TRABD2B: variants seen among roughly 807,000 people sequenced by gnomAD.
TRABD2B encodes metalloprotease TIKI2.
In TRABD2B, 14 loss-of-function variants were observed where a neutral mutation model predicts 40.1. That is an observed-to-expected ratio of 0.35 (90% CI 0.23 to 0.55). TRABD2B has a LOEUF of 0.55. Ranked by LOEUF, TRABD2B falls within the 20% of genes least tolerant of loss-of-function variation. The probability of loss-of-function intolerance (pLI) is 0.90; values close to 1 mark genes in which losing one functional copy is unlikely to be tolerated. For synonymous variants in TRABD2B, 263 were observed against 277.0 expected (o/e 0.95, Z 0.50); for missense variants, 541 against 648.6 (o/e 0.83, Z 1.80).
chr1:47,825,341 C>G (rs1645160759), intron 2 of TRABD2B, among the ~76,000 whole-genome samples: 1 of 152,212 alleles, frequency 6.6e-6, no homozygotes, highest in African/African-American at 2.4e-5. Context: ...GCTCCCACTG[C>G]CTCCTTATCC....
intron 2 of TRABD2B, among the ~76,000 whole-genome samples, chr1:47,808,296 G>T (rs989853245): frequency 1.3e-4 from 20 of 152,166 alleles, no homozygotes; most frequent in Admixed American, 8.5e-4. Flanking sequence ...CACTACGTGT[G>T]TGTGTGTGTG....
intron 2 of TRABD2B, among the ~76,000 whole-genome samples, chr1:47,864,708 C>T (rs1644029692): frequency 1.3e-5 from 2 of 152,104 alleles, no homozygotes; most frequent in Non-Finnish European, 2.9e-5. Flanking sequence ...ATCCACATGG[C>T]TGCCTGATGA....
intron 2 of TRABD2B, among the ~76,000 whole-genome samples, chr1:47,807,906 T>C (rs1283627934): frequency 1.3e-5 from 2 of 152,166 alleles, no homozygotes; most frequent in South Asian, 2.1e-4. Flanking sequence ...ATTTGGAGAT[T>C]CAGTATGGTT....
At chr1:47,852,201 G>C (rs1319677142) in intron 2 of TRABD2B, among the ~76,000 whole-genome samples, 1 of 152,126 alleles carries the variant, frequency 6.6e-6, no homozygotes, top group East Asian at 1.9e-4. Flanking sequence ...ATGAGAGCTG[G>C]GCCCAGACTG....
intron 6 of TRABD2B, among the ~76,000 whole-genome samples, chr1:47,771,945 C>G (rs973422546): frequency 6.6e-6 from 1 of 152,186 alleles, no homozygotes; most frequent in Non-Finnish European, 1.5e-5. Context: ...TTCTCACACT[C>G]GCTCCCAGCC....
intron 2 of TRABD2B, among the ~76,000 whole-genome samples, chr1:47,885,549 G>A (rs1237893138): frequency 1.3e-5 from 2 of 152,164 alleles, no homozygotes; most frequent in Non-Finnish European, 2.9e-5. Context: ...CTCTGTTGGT[G>A]GCAGGGGACC....
chr1:47,846,896 A>ACACAC (rs1557610238), intron 2 of TRABD2B, among the ~76,000 whole-genome samples: 3 of 148,358 alleles, frequency 2.0e-5, no homozygotes, highest in African/African-American at 5.0e-5. Flanking sequence ...ACACACACAC[A>ACACAC]AATGAGGGCT....
chr1:47,810,968 C>A (rs970275009), intron 2 of TRABD2B, among the ~76,000 whole-genome samples: 1 of 152,182 alleles, frequency 6.6e-6, no homozygotes, highest in Non-Finnish European at 1.5e-5. Flanking sequence ...GGTGATGCTG[C>A]GTCAGCTCAT....
At chr1:47,961,931 C>G (rs1645522897) in intron 2 of TRABD2B, among the ~76,000 whole-genome samples, 1 of 152,156 alleles carries the variant, frequency 6.6e-6, no homozygotes, top group African/African-American at 2.4e-5. Context: ...TACTGCAGCA[C>G]TATTCACAAT....
At chr1:47,912,411 A>G (rs1274479791) in intron 2 of TRABD2B, among the ~76,000 whole-genome samples, 1 of 152,150 alleles carries the variant, frequency 6.6e-6, no homozygotes, top group Non-Finnish European at 1.5e-5. Context: ...TTTCCTTTCC[A>G]GTATTCAAAG....
At chr1:47,790,389 G>A (rs1163256254) in intron 4 of TRABD2B, among the ~76,000 whole-genome samples, 1 of 152,138 alleles carries the variant, frequency 6.6e-6, no homozygotes, top group Non-Finnish European at 1.5e-5. Context: ...CCACCTCCTG[G>A]ATAGGGAGGG....
Position 47,996,662 on chromosome 1 carries a change from G to A in TRABD2B, c.102+26C>T. On this transcript the variant is annotated intron_variant, in intron 1 of 6. Coordinates refer to ENST00000606738, the MANE Select transcript of TRABD2B (RefSeq NM_001194986.2). This position sits in a 1 kb window ranked among gnomAD's most constrained non-coding sequence, Gnocchi z 4.6. ...GACTAGAATACCCAGGCAGGCGGGA[G>A]AGTGGCCGGGCAGGCGCTCGCTCAC... 8.1e-7 allele frequency: 1 copy of A among 1,228,816 alleles called. No individual in the cohort carries two copies. Among genetic ancestry groups the A allele is most frequent in the Non-Finnish European group, 1.0e-6 (1 of 984,940 alleles). 76.1% of individuals were successfully genotyped at this position (1,228,816 alleles called of 1,614,324 possible).
At chr1:47,826,634 C>T (rs1030554562) in intron 2 of TRABD2B, among the ~76,000 whole-genome samples, 12 of 152,050 alleles carry the variant, frequency 7.9e-5, no homozygotes, top group South Asian at 2.1e-4. Context: ...AGTGCACTGG[C>T]GTGATCATAA....
At chr1:47,837,777 G>C (rs1408266980) in intron 2 of TRABD2B, among the ~76,000 whole-genome samples, 1 of 152,228 alleles carries the variant, frequency 6.6e-6, no homozygotes, top group Non-Finnish European at 1.5e-5. Flanking sequence ...AAAAAAGGAA[G>C]AATGTAGCCT....
intron 2 of TRABD2B, among the ~76,000 whole-genome samples, chr1:47,864,561 T>A (rs1644027344): frequency 6.6e-6 from 1 of 152,180 alleles, no homozygotes; most frequent in Non-Finnish European, 1.5e-5. Context: ...TTCATTCTTG[T>A]GATATCTGTG....
At chr1:47,851,331 A>C (rs1057478450) in intron 2 of TRABD2B, among the ~76,000 whole-genome samples, 2 of 152,152 alleles carry the variant, frequency 1.3e-5, no homozygotes, top group Non-Finnish European at 2.9e-5. Flanking sequence ...ATTATAAATA[A>C]TCAAAATGGG....
At chr1:47,875,312 G>A (rs561563080) in intron 2 of TRABD2B, among the ~76,000 whole-genome samples, 4 of 150,830 alleles carry the variant, frequency 2.7e-5, no homozygotes, top group Admixed American at 2.0e-4. Context: ...TAGTATTCAC[G>A]CACAGCACGC....
At chr1:47,969,651 T>C (rs1355005328) in intron 2 of TRABD2B, among the ~76,000 whole-genome samples, 4 of 152,168 alleles carry the variant, frequency 2.6e-5, no homozygotes, top group Non-Finnish European at 4.4e-5. Flanking sequence ...ACCTAGAACA[T>C]ATAAATGATC....
At chr1:47,805,331 T>C (rs1037079819) in intron 2 of TRABD2B, among the ~76,000 whole-genome samples, 5 of 152,126 alleles carry the variant, frequency 3.3e-5, no homozygotes, top group Non-Finnish European at 7.4e-5. Flanking sequence ...AAGTCTGTTA[T>C]TAATAGTCTA....
Sources: gnomAD v4.1 joint callset for allele counts (sites outside exome capture counted in the v4.1 genomes callset) on GRCh38, gnomAD v4.1.1 for gene constraint, Gnocchi (gnomAD v3.1) non-coding constraint, MANE v1.5 for transcripts, NCBI Gene and HGNC (gene_info 2026-07-23, HGNC 2026-07-21) for gene names.